The following UAP1L1 variants were observed in gnomAD, a reference collection of about 807,000 sequenced individuals.
UAP1L1 encodes the protein UDP-N-acetylhexosamine pyrophosphorylase-like protein 1.
UAP1L1 carries 45 observed loss-of-function variants against 45.3 expected under a neutral mutation model. That is an observed-to-expected ratio of 0.99 (90% CI 0.78 to 1.27). The LOEUF (loss-of-function observed/expected upper bound fraction) is 1.27. Among genes scored for constraint, UAP1L1 ranks in the 50% most tolerant of loss-of-function variants. UAP1L1 has a pLI of 0.00. For synonymous variants in UAP1L1, 323 were observed against 303.9 expected, an observed-to-expected ratio of 1.06 and a Z score of -0.65; for missense variants, 667 against 694.0, an observed-to-expected ratio of 0.96 and a Z score of 0.44.
rs1185021324 is a variant in UAP1L1 at position 137,078,231 on chromosome 9, C to G, written c.471C>G (p.His157Gln). 4 of 1,546,352 alleles carry G rather than the reference C, an allele frequency of 2.6e-6. No homozygotes were observed. The South Asian group carries it at 3.6e-5, about 14-fold the overall frequency. The change falls in exon 2 of 9, where the codon CAC becomes CAG. Residue 157 changes from histidine to glutamine, a missense_variant. Physicochemically the swap from His to Gln is conservative, Grantham distance 24. Transcript: ENST00000409858. ...RRVEQLAGERHGTRCTVPWYV... is the reference protein window; with the variant it reads ...RRVEQLAGERQGTRCTVPWYV... ...TGGAGCAGCTGGCCGGTGAGCGCCA[C>G]GGGACCCGCTGCACCGTCCCCTGGT...
intron 5 of UAP1L1, 64 bp from the exon 6 acceptor site, chr9:137,079,938 A>C: frequency 1.1e-5 from 18 of 1,584,516 alleles, no homozygotes; most frequent in African/African-American, 2.7e-5. Flanking sequence ...AAGTGGGGAC[A>C]GAGCCCCCAG....
Position 137,082,336 on chromosome 9 carries a change from G to A in UAP1L1, c.1431+272G>A, listed in dbSNP as rs1037705187. ...AGTCAGGCCTTGGTGGGGGCCTTGC[G>A]GAGGGAGGACACCGGCCTCTGCTAC... On this transcript the variant is annotated intron_variant, in intron 8 of 8. Transcript: ENST00000409858. This position sits in a 1 kb window ranked among gnomAD's most constrained non-coding sequence, Gnocchi z 5.7. The A allele has an allele frequency of 2.2e-5, 13 of 599,980 alleles. No individual in the cohort carries two copies. The Admixed American group carries it at 2.4e-4, about 11-fold the overall frequency. The allele number at this position is 599,980 out of a possible 1,614,324, so 37.2% of individuals were successfully genotyped here. A position where few individuals can be genotyped will look rare whatever the true frequency, so the allele number is the denominator to read the frequency against.
chr9:137,078,303 C>G, intron 2 of UAP1L1, 49 bp downstream of exon 2: 1 of 1,509,950 alleles, frequency 6.6e-7, no homozygotes, highest in Admixed American at 2.0e-5. Context: ...TTCCCCACGC[C>G]CCCCCACATC....
At position 137,079,277 on chromosome 9, in the gene UAP1L1, G is replaced by T; in HGVS notation, c.865G>T (p.Glu289Ter). 1 of 1,610,442 alleles carries T rather than the reference G, an allele frequency of 6.2e-7. No homozygotes were observed. Among genetic ancestry groups the T allele is most frequent in the Non-Finnish European group, 8.5e-7 (1 of 1,178,150 alleles). Residue 289 changes from glutamate (E) to a stop codon, truncating the protein, a stop_gained, in exon 5 of 9, where the codon GAG becomes TAG. Coordinates refer to ENST00000409858, the MANE Select transcript of UAP1L1 (RefSeq NM_207309.3). LOFTEE classifies it high-confidence loss of function. ...GCAGGTGGTGGAAAAGGCATACCCCGAGGAGCCCGTGGGCGTGGTGTGCCA... is the reference window on the plus strand; with the variant it reads ...GCAGGTGGTGGAAAAGGCATACCCCTAGGAGCCCGTGGGCGTGGTGTGCCA... ...GAKVVEKAYP[E>*]EPVGVVCQVD... is the part of the protein sequence containing the mutation.
Position 137,077,894 on chromosome 9 carries a change from C to A in UAP1L1, c.289+73C>A. On this transcript the variant is annotated intron_variant, in intron 1 of 8. Transcript: ENST00000409858. The surrounding 1 kb of genome is among the most constrained non-coding windows in gnomAD (Gnocchi z 4.7). ...GGAGCGGGTGGGAACCGAGGCCGCG[C>A]TCGGGGAACTGTAGTTCTCCTCGCT... 6.8e-7 allele frequency: 1 copy of A among 1,467,428 alleles called. No individual in the cohort carries two copies. Among genetic ancestry groups the A allele is most frequent in the East Asian group, 2.5e-5 (1 of 40,270 alleles). 90.9% of individuals were successfully genotyped at this position (1,467,428 alleles called of 1,614,324 possible). A position where few individuals can be genotyped will look rare whatever the true frequency, so the allele number is the denominator to read the frequency against.
Position 137,077,560 on chromosome 9 carries a change from C to T in UAP1L1, c.28C>T (p.Arg10Trp). Residue 10 changes from arginine (R) to tryptophan (W), a missense_variant, in exon 1 of 9, where the codon CGG (arginine) becomes TGG (tryptophan). By Grantham distance (101) the Arg-to-Trp change is moderately radical. Transcript: ENST00000409858. The surrounding 1 kb of genome is among the most constrained non-coding windows in gnomAD (Gnocchi z 4.7). ...GGCTTCGGAGCAGGACGTGCGCGCC[C>T]GGCTGCAGCGCGCTGGCCAGGAGCA... MASEQDVRA[R>W]LQRAGQEHLL... 1.4e-6 allele frequency: 2 copies of T among 1,393,420 alleles called. No homozygotes were observed. Among genetic ancestry groups the T allele is most frequent in the Non-Finnish European group, 1.9e-6 (2 of 1,066,742 alleles). The allele number at this position is 1,393,420 out of a possible 1,614,324, so 86.3% of individuals were successfully genotyped here. A position where few individuals can be genotyped will look rare whatever the true frequency, so the allele number is the denominator to read the frequency against.
chr9:137,078,798 C>A lies in UAP1L1; in HGVS notation c.670+121C>A, dbSNP rs1461551253. 4 of 1,335,016 alleles carry A rather than the reference C, an allele frequency of 3.0e-6. No individual in the cohort carries two copies. The African/African-American group carries it at 4.4e-5, about 15-fold the overall frequency. 82.7% of individuals were successfully genotyped at this position (1,335,016 alleles called of 1,614,324 possible). On this transcript the variant is annotated intron_variant, in intron 3 of 8. Transcript: ENST00000409858. ...CTGTGTGGTCCTGGGTTAGGCGCCTCTTTTTCTGGGCCTTGATCGTCATTT... is the reference window on the plus strand; with the variant it reads ...CTGTGTGGTCCTGGGTTAGGCGCCTATTTTTCTGGGCCTTGATCGTCATTT...
chr9:137,079,244 TC>T lies in UAP1L1; in HGVS notation c.844-11del. 6.2e-7 allele frequency: 1 copy of T among 1,601,010 alleles called. No individual in the cohort carries two copies. Among genetic ancestry groups the T allele is most frequent in the Non-Finnish European group, 8.5e-7 (1 of 1,172,548 alleles). On this transcript the variant is annotated splice_polypyrimidine_tract_variant and intron_variant, in intron 4 of 8. Transcript: ENST00000409858. Reference sequence around the variant, plus strand: ...CCCAGCCCTCGGAACCCATCCCTGGTCTTGGCTGCAGGTGGTGGAAAAGGCA... The same window carrying T: ...CCCAGCCCTCGGAACCCATCCCTGGTTTGGCTGCAGGTGGTGGAAAAGGCA...
intron 4 of UAP1L1, 48 bp downstream of exon 4, chr9:137,079,196 C>T: frequency 6.3e-7 from 1 of 1,588,968 alleles, no homozygotes; most frequent in East Asian, 2.2e-5. Flanking sequence ...TGGCCCCGCC[C>T]CTCACGGAGC....
Position 137,081,295 on chromosome 9 carries a change from C to T in UAP1L1, c.1364+421C>T, listed in dbSNP as rs893004522. ...GCTCGCTGCAAGCTCCACCCTCCCC[C>T]GGTTTCCGCCATTCTCCTGCCTCAG... On this transcript the variant is annotated intron_variant, in intron 7 of 8. Transcript: ENST00000409858. Among the ~76,000 whole-genome samples the T allele has an allele frequency of 7.0e-4, 107 of 152,118 alleles. 2 individuals carry two copies. The highest frequency in any genetic ancestry group is 2.5e-3 in the African/African-American group (103 of 41,524).
chr9:137,079,919 T>G (rs767568567), intron 5 of UAP1L1, 83 bp from the exon 6 acceptor site: 117 of 1,534,076 alleles, frequency 7.6e-5, no homozygotes, highest in Non-Finnish European at 1.0e-4. Context: ...CCCAGCTGGG[T>G]GTGCTCAGAA....
At chr9:137,079,949 C>A in intron 5 of UAP1L1, 53 bp from the exon 6 acceptor site, 1 of 1,602,474 alleles carries the variant, frequency 6.2e-7, no homozygotes. Flanking sequence ...GAGCCCCCAG[C>A]GGTGCCATAT....
Position 137,079,294 on chromosome 9 carries a change from G to A in UAP1L1, c.882G>A (p.Val294=). 2 of 1,612,522 alleles carry A rather than the reference G, an allele frequency of 1.2e-6. No individual in the cohort carries two copies. The highest frequency in any genetic ancestry group is 1.7e-6 in the Non-Finnish European group (2 of 1,179,386). Residue 294 remains valine (V), a synonymous_variant, in exon 5 of 9, where the codon GTG becomes GTA. Coordinates refer to ENST00000409858, the MANE Select transcript of UAP1L1 (RefSeq NM_207309.3). ...CATACCCCGAGGAGCCCGTGGGCGTGGTGTGCCAGGTGGACGGTGTCCCCC... is the reference window on the plus strand; with the variant it reads ...CATACCCCGAGGAGCCCGTGGGCGTAGTGTGCCAGGTGGACGGTGTCCCCC... The part of the protein sequence containing the change: ...EKAYPEEPVG[V]VCQVDGVPQV...
Position 137,078,881 on chromosome 9 carries a change from AG to A in UAP1L1, c.671-93del, listed in dbSNP as rs1224524166. The A allele has an allele frequency of 2.7e-6, 4 of 1,454,928 alleles. No individual in the cohort carries two copies. In the East Asian group the frequency reaches 9.4e-5, roughly 34 times the overall value. The allele number at this position is 1,454,928 out of a possible 1,614,324, so 90.1% of individuals were successfully genotyped here. On this transcript the variant is annotated intron_variant, in intron 3 of 8. Transcript: ENST00000409858. The stretch of plus-strand genomic sequence containing the variant: ...AGTGACCAGGGCTGCCTTAGGCACA[AG>A]GCCGGGGCTTCCCCCGCCTCCAGCA...
rs1832826106 is a variant in UAP1L1 at position 137,083,604 on chromosome 9, C to T, written c.*875C>T. The T allele has an allele frequency of 6.6e-6, 1 of 152,374 alleles. No homozygotes were observed. Among genetic ancestry groups the T allele is most frequent in the Non-Finnish European group, 1.5e-5 (1 of 68,088 alleles). 9.4% of individuals were successfully genotyped at this position (152,374 alleles called of 1,614,324 possible). A position where few individuals can be genotyped will look rare whatever the true frequency, so the allele number is the denominator to read the frequency against. On this transcript the variant is annotated 3_prime_UTR_variant, in exon 9 of 9. Coordinates refer to ENST00000409858, the MANE Select transcript of UAP1L1 (RefSeq NM_207309.3). ...AGGCACCACCCCTCACCCCAGCTGC[C>T]TGCTGCTTCTGACGGATCTTGGTGC...
intron 2 of UAP1L1, 86 bp downstream of exon 2, chr9:137,078,340 C>A: frequency 6.5e-7 from 1 of 1,537,222 alleles, no homozygotes. Context: ...GCCCCAACCC[C>A]GGCACAGACC....
chr9:137,081,781 G>A (rs1434022169), intron 7 of UAP1L1, among the ~76,000 whole-genome samples: 1 of 152,136 alleles, frequency 6.6e-6, no homozygotes, highest in Non-Finnish European at 1.5e-5. Flanking sequence ...TGCGTGGGAG[G>A]CCTGTGGGGG....
chr9:137,078,561 A>G lies in UAP1L1; in HGVS notation c.554A>G (p.Asn185Ser), dbSNP rs1832732600. 1 of 1,613,210 alleles carries G rather than the reference A, an allele frequency of 6.2e-7. No individual in the cohort carries two copies. Among genetic ancestry groups the G allele is most frequent in the Non-Finnish European group, 8.5e-7 (1 of 1,180,020 alleles). Reference protein sequence around the residue: ...GPTAEFFREHNFFHLDPANVV... With the variant: ...GPTAEFFREHSFFHLDPANVV... ...ACGGCCGAGTTCTTCAGGGAGCACA[A>G]CTTCTTCCACCTGGACCCCGCCAAC... The change falls in exon 3 of 9, where the codon AAC (asparagine) becomes AGC (serine). Residue 185 changes from asparagine (N) to serine (S), a missense_variant. Physicochemically the swap from Asn to Ser is conservative, Grantham distance 46. Transcript: ENST00000409858.
Position 137,080,800 on chromosome 9 carries a change from G to A in UAP1L1, c.1290G>A (p.Gln430=), listed in dbSNP as rs1832777266. 3 of 1,612,096 alleles carry A rather than the reference G, an allele frequency of 1.9e-6. No homozygotes were observed. Among genetic ancestry groups the A allele is most frequent in the Non-Finnish European group, 2.5e-6 (3 of 1,179,896 alleles). Residue 430 remains glutamine (Q), a synonymous_variant, in exon 7 of 9, where the codon CAG becomes CAA. Transcript: ENST00000409858. ...CCGCTCGCCAGGCCCTGCTCACCCA[G>A]CACTACCGGTGGGCTCTGCGGGCCG... ...PRTARQALLT[Q]HYRWALRAGA... is the part of the protein sequence containing the mutation.
Sources: gnomAD v4.1 joint callset for allele counts (sites outside exome capture counted in the v4.1 genomes callset) on GRCh38, gnomAD v4.1.1 for gene constraint, Gnocchi (gnomAD v3.1) non-coding constraint, MANE v1.5 for transcripts, NCBI Gene and HGNC (gene_info 2026-07-23, HGNC 2026-07-21) for gene names.